The following HPSE2 variants were observed in gnomAD, a reference collection of about 807,000 sequenced individuals.
HPSE2 encodes the protein heparanase 2 (inactive).
Under a neutral mutation model 60.5 loss-of-function variants are expected in HPSE2, and 38 were observed. The observed-to-expected ratio is 0.63, with a 90% CI of 0.48 to 0.82. The LOEUF (loss-of-function observed/expected upper bound fraction) is 0.82. HPSE2 is among the 40% of genes least tolerant of loss of function. The pLI is 0.00. For synonymous variants in HPSE2, 295 were observed against 293.2 expected (o/e 1.01, Z -0.06); for missense variants, 713 against 740.4 (o/e 0.96, Z 0.43).
intron 3 of HPSE2, among the ~76,000 whole-genome samples, chr10:98,758,580 A>G (rs1289919312): frequency 6.6e-6 from 1 of 152,218 alleles, no homozygotes; most frequent in East Asian, 1.9e-4. Context: ...GCATATAAAG[A>G]AATGCTCAAC....
At chr10:98,886,431 A>G (rs1307897930) in intron 3 of HPSE2, among the ~76,000 whole-genome samples, 3 of 152,140 alleles carry the variant, frequency 2.0e-5, no homozygotes, top group African/African-American at 4.8e-5. Flanking sequence ...TCTATTATGT[A>G]TAATGCCTTA....
chr10:98,572,437 T>A (rs1436708920), intron 9 of HPSE2, among the ~76,000 whole-genome samples: 2 of 152,190 alleles, frequency 1.3e-5, no homozygotes, highest in Non-Finnish European at 2.9e-5. Context: ...TCTTTCTGCT[T>A]TGGCTGCTTG....
chr10:98,545,501 C>T (rs1389909517), intron 9 of HPSE2, among the ~76,000 whole-genome samples: 2 of 152,154 alleles, frequency 1.3e-5, no homozygotes, highest in Non-Finnish European at 2.9e-5. Flanking sequence ...TGGTTCAACA[C>T]AAGCAAATCA....
intron 3 of HPSE2, among the ~76,000 whole-genome samples, chr10:98,995,921 T>C (rs532370317): frequency 1.3e-5 from 2 of 152,224 alleles, no homozygotes; most frequent in African/African-American, 4.8e-5. Context: ...TGAAATTAAA[T>C]GCAATGTGGT....
intron 3 of HPSE2, among the ~76,000 whole-genome samples, chr10:99,029,442 C>T (rs1957449656): frequency 6.6e-6 from 1 of 152,096 alleles, no homozygotes. Context: ...GCGCAGAGAC[C>T]GGTAGTGGCC....
At chr10:99,111,777 T>G (rs1844472186) in intron 3 of HPSE2, among the ~76,000 whole-genome samples, 1 of 152,214 alleles carries the variant, frequency 6.6e-6, no homozygotes, top group Non-Finnish European at 1.5e-5. Context: ...CTAACCAGAA[T>G]TTTAGTGTAA....
intron 3 of HPSE2, among the ~76,000 whole-genome samples, chr10:99,049,026 AT>A (rs1957928597): frequency 6.6e-6 from 1 of 152,204 alleles, no homozygotes; most frequent in Admixed American, 6.5e-5. Context: ...GGAGCTAAAC[AT>A]TGAGCACACA....
At chr10:98,476,621 C>G (rs1941033314) in intron 11 of HPSE2, among the ~76,000 whole-genome samples, 1 of 151,986 alleles carries the variant, frequency 6.6e-6, no homozygotes, top group African/African-American at 2.4e-5. Flanking sequence ...GGAACCTCAT[C>G]TTTACTAAAA....
the HPSE2 span, among the ~76,000 whole-genome samples, chr10:99,269,629 T>C: frequency 6.6e-6 from 1 of 152,210 alleles, no homozygotes; most frequent in Admixed American, 6.5e-5. Context: ...TAGAACTTAA[T>C]GAACTTAATG....
intron 5 of HPSE2, among the ~76,000 whole-genome samples, chr10:98,717,151 C>G (rs1565104792): frequency 6.6e-6 from 1 of 152,050 alleles, no homozygotes; most frequent in Non-Finnish European, 1.5e-5. Flanking sequence ...TTCCAACTTT[C>G]CTTCTGTAGC....
the HPSE2 span, among the ~76,000 whole-genome samples, chr10:99,252,860 G>A: frequency 7.7e-6 from 1 of 129,864 alleles, no homozygotes; most frequent in Non-Finnish European, 1.6e-5. Flanking sequence ...CTGGGCGACA[G>A]AGCGAGACTC....
At chr10:98,695,420 T>C (rs555716108) in intron 5 of HPSE2, among the ~76,000 whole-genome samples, 1 of 152,174 alleles carries the variant, frequency 6.6e-6, no homozygotes, top group African/African-American at 2.4e-5. Flanking sequence ...GATCGAGGAA[T>C]AGAACTGGTT....
intron 6 of HPSE2, among the ~76,000 whole-genome samples, chr10:98,655,834 A>C: frequency 6.6e-6 from 1 of 152,154 alleles, no homozygotes; most frequent in East Asian, 1.9e-4. Flanking sequence ...TGTGATACAC[A>C]TGTGTCATTT....
chr10:98,677,676 C>T (rs183915559), intron 6 of HPSE2, among the ~76,000 whole-genome samples: 5 of 152,192 alleles, frequency 3.3e-5, no homozygotes, highest in Admixed American at 1.3e-4. Context: ...TCTGACCAGG[C>T]CTATTTGACT....
At position 99,165,027 on chromosome 10, in the gene HPSE2, G is replaced by A. The variant is rs575307953; in HGVS notation, c.449-20628C>T. On this transcript the variant is annotated intron_variant, in intron 2 of 11. Transcript: ENST00000370552. ...GAACCCAGGAGGCGAAGGTTGCAGT[G>A]AGCCAAGATCGCGCCACTACACTCC... Among the ~76,000 whole-genome samples, 4 of 135,652 alleles carry A rather than the reference G, an allele frequency of 2.9e-5. No homozygotes were observed. In the East Asian group the frequency reaches 6.9e-4, roughly 23 times the overall value. The allele number at this position is 135,652 out of a possible 152,430, so 89.0% of individuals were successfully genotyped here. A position where few individuals can be genotyped will look rare whatever the true frequency, so the allele number is the denominator to read the frequency against.
intron 3 of HPSE2, among the ~76,000 whole-genome samples, chr10:98,897,098 G>C (rs2134962429): frequency 6.6e-6 from 1 of 152,250 alleles, no homozygotes; most frequent in East Asian, 1.9e-4. Context: ...AAAACCAAAT[G>C]TTGTATGTTC....
rs559616477 is a variant in HPSE2 at position 99,110,549 on chromosome 10, A to G, written c.610+33689T>C. Among the ~76,000 whole-genome samples the G allele has an allele frequency of 2.0e-5, 3 of 152,310 alleles. No homozygotes were observed. In the South Asian group the frequency reaches 6.2e-4, roughly 32 times the overall value. On this transcript the variant is annotated intron_variant, in intron 3 of 11. Transcript: ENST00000370552. ...TCCACAAAAGAAGTTGAAAAGTAGT[A>G]ATCCTGGGAAAATATGTTCAGAGTA... is the stretch of plus-strand genomic sequence containing the variant.
chr10:98,997,897 C>T (rs1956685963), intron 3 of HPSE2, among the ~76,000 whole-genome samples: 1 of 152,142 alleles, frequency 6.6e-6, no homozygotes, highest in African/African-American at 2.4e-5. Flanking sequence ...TGGAGCATGA[C>T]CAGCACGATG....
chr10:98,652,525 A>G (rs1395278845), intron 6 of HPSE2, among the ~76,000 whole-genome samples: 1 of 152,214 alleles, frequency 6.6e-6, no homozygotes, highest in African/African-American at 2.4e-5. Flanking sequence ...GAAACACAAC[A>G]GAGCAGTTTT....
Sources: gnomAD v4.1 joint callset for allele counts (sites outside exome capture counted in the v4.1 genomes callset) on GRCh38, gnomAD v4.1.1 for gene constraint, MANE v1.5 for transcripts, NCBI Gene and HGNC (gene_info 2026-07-23, HGNC 2026-07-21) for gene names.